CCDC186: variants seen among roughly 807,000 people sequenced by gnomAD.
The protein encoded by CCDC186 is coiled-coil domain containing 186.
CCDC186 carries 49 observed loss-of-function variants against 113.7 expected under a neutral mutation model. The ratio of observed to expected loss-of-function variants is 0.43; its 90% CI spans 0.34 to 0.55. The LOEUF is 0.55. Among genes scored for constraint, CCDC186 ranks in the 20% least tolerant of loss-of-function variants. The pLI is 0.02. For missense variants in CCDC186, 890 were observed against 1,011.1 expected, an observed-to-expected ratio of 0.88 and a Z score of 1.62; for synonymous variants, 355 against 345.8, an observed-to-expected ratio of 1.03 and a Z score of -0.30.
rs1056982262 is a variant in CCDC186 at position 114,126,744 on chromosome 10, T to C, written c.2394-639A>G. ...CTTGCTGTACTTTATGCTCTTTCTT[T>C]TAAAAGTCACAGGCAAACTTTCCTA... On this transcript the variant is annotated intron_variant, in intron 14 of 15. Coordinates refer to ENST00000369287, the MANE Select transcript of CCDC186 (RefSeq NM_018017.4). Among the ~76,000 whole-genome samples, 8 of 152,360 alleles carry C rather than the reference T, an allele frequency of 5.3e-5. 1 individual carries two copies. Among genetic ancestry groups the C allele is most frequent in the Admixed American group, 5.2e-4 (8 of 15,308 alleles).
chr10:114,164,458 A>C (rs2032277533), intron 1 of CCDC186, among the ~76,000 whole-genome samples: 1 of 152,074 alleles, frequency 6.6e-6, no homozygotes, highest in Non-Finnish European at 1.5e-5. Flanking sequence ...GGAGGTTACT[A>C]TTCTAGCCAT....
At chr10:114,165,907 T>A (rs1015606065) in intron 1 of CCDC186, 2 of 982,272 alleles carry the variant, frequency 2.0e-6, no homozygotes, top group African/African-American at 3.6e-5. Flanking sequence ...TACCTCTTCA[T>A]GCCAAGCAGC....
chr10:114,147,609 A>T (rs1277974501), intron 4 of CCDC186, among the ~76,000 whole-genome samples: 1 of 152,188 alleles, frequency 6.6e-6, no homozygotes, highest in Non-Finnish European at 1.5e-5. Context: ...AAAAAGAGGT[A>T]TAGATTAGAT....
At position 114,135,987 on chromosome 10, in the gene CCDC186, A is replaced by G; in HGVS notation, c.1426-10T>C. ...TTTTGGCATGATGCATCTTTAAAAA[A>G]GTTTAAAAGAAACAACAAATCATAA... On this transcript the variant is annotated splice_polypyrimidine_tract_variant and intron_variant, in intron 8 of 15. Coordinates refer to ENST00000369287, the MANE Select transcript of CCDC186 (RefSeq NM_018017.4). The G allele has an allele frequency of 2.5e-6, 4 of 1,602,246 alleles. No homozygotes were observed. Among genetic ancestry groups the G allele is most frequent in the Non-Finnish European group, 3.4e-6 (4 of 1,170,256 alleles).
chr10:114,152,979 G>A (rs1203676140), intron 3 of CCDC186, among the ~76,000 whole-genome samples: 1 of 152,016 alleles, frequency 6.6e-6, no homozygotes, highest in African/African-American at 2.4e-5. Flanking sequence ...AATATATGAG[G>A]CAAAAACTAA....
chr10:114,172,572 C>T (rs1013848607), intron 1 of CCDC186, among the ~76,000 whole-genome samples: 2 of 152,192 alleles, frequency 1.3e-5, no homozygotes, highest in African/African-American at 4.8e-5. Context: ...AGTTTATATG[C>T]AGTTATTCTG....
chr10:114,152,019 T>C (rs2031871256), intron 3 of CCDC186, among the ~76,000 whole-genome samples: 1 of 152,214 alleles, frequency 6.6e-6, no homozygotes, highest in South Asian at 2.1e-4. Context: ...ACTTCAAAAG[T>C]TATGGCCACA....
chr10:114,125,325 G>GA (rs1277088868), intron 15 of CCDC186, 99 bp from the exon 16 acceptor site: 5 of 821,848 alleles, frequency 6.1e-6, no homozygotes, highest in Non-Finnish European at 9.5e-6. Context: ...TTTTGGAAAT[G>GA]AAAGAGTGGT....
chr10:114,170,827 A>T (rs1169041689), intron 1 of CCDC186, among the ~76,000 whole-genome samples: 1 of 151,134 alleles, frequency 6.6e-6, no homozygotes, highest in Non-Finnish European at 1.5e-5. Flanking sequence ...AAAGATGTTT[A>T]AAAAAAAAGA....
chr10:114,151,257 T>G, intron 3 of CCDC186, 37 bp from the exon 4 acceptor site: 1 of 1,375,118 alleles, frequency 7.3e-7, no homozygotes, highest in South Asian at 1.2e-5. Context: ...TTTTTATAGC[T>G]ATACCAAATA....
chr10:114,134,395 T>C (rs967200677), intron 10 of CCDC186, among the ~76,000 whole-genome samples: 4 of 152,116 alleles, frequency 2.6e-5, no homozygotes, highest in Non-Finnish European at 5.9e-5. Context: ...ATCTAAATGA[T>C]GGTAAGGATT....
intron 1 of CCDC186, among the ~76,000 whole-genome samples, chr10:114,163,546 C>T (rs2032242304): frequency 6.6e-6 from 1 of 152,190 alleles, no homozygotes; most frequent in Non-Finnish European, 1.5e-5. Flanking sequence ...TGTCTTTCCT[C>T]CTTCATTTCA....
chr10:114,151,269 A>C (rs2031849546), intron 3 of CCDC186, 49 bp from the exon 4 acceptor site: 2 of 1,236,652 alleles, frequency 1.6e-6, no homozygotes, highest in Non-Finnish European at 1.1e-6. Flanking sequence ...TACCAAATAC[A>C]CCACCAATAC....
chr10:114,125,877 C>T lies in CCDC186; in HGVS notation c.2613+9G>A. The T allele has an allele frequency of 6.2e-7, 1 of 1,610,912 alleles. No individual in the cohort carries two copies. Among genetic ancestry groups the T allele is most frequent in the Non-Finnish European group, 8.5e-7 (1 of 1,177,362 alleles). ...TACTGGTTGGTGTGTGAATGAGAAA[C>T]ACAAATACCTTCAAAGTAATATTTT... On this transcript the variant is annotated intron_variant, in intron 15 of 15. Coordinates refer to ENST00000369287, the MANE Select transcript of CCDC186 (RefSeq NM_018017.4).
intron 3 of CCDC186, among the ~76,000 whole-genome samples, chr10:114,156,961 A>G (rs2032028188): frequency 6.6e-6 from 1 of 152,150 alleles, no homozygotes; most frequent in Non-Finnish European, 1.5e-5. Flanking sequence ...TTGACTGTCA[A>G]CTCAAATCGT....
intron 3 of CCDC186, among the ~76,000 whole-genome samples, chr10:114,151,650 C>A (rs557186626): frequency 1.7e-4 from 26 of 152,354 alleles, no homozygotes; most frequent in African/African-American, 6.0e-4. Context: ...GACTGTGAGT[C>A]ATCCCTTTGT....
rs1459783217 is a variant in CCDC186, at chr10:114,127,451, T to G, written c.2393+10A>C. ...TTGAAGACCGATCATGCTACCGTAATAATACATACTTTGTTTTTTTCCTAA... is the reference window on the plus strand; with the variant it reads ...TTGAAGACCGATCATGCTACCGTAAGAATACATACTTTGTTTTTTTCCTAA... On this transcript the variant is annotated intron_variant, in intron 14 of 15. Transcript: ENST00000369287. The G allele has an allele frequency of 6.2e-7, 1 of 1,611,518 alleles. No homozygotes were observed. The highest frequency in any genetic ancestry group is 2.2e-5 in the East Asian group (1 of 44,854).
intron 3 of CCDC186, among the ~76,000 whole-genome samples, chr10:114,157,066 T>A (rs948392270): frequency 1.3e-5 from 2 of 152,050 alleles, no homozygotes; most frequent in Non-Finnish European, 2.9e-5. Flanking sequence ...AGGAAATACA[T>A]CAGGCTATGA....
rs144074954 is a variant in CCDC186, at chr10:114,145,736, C to T, written c.914G>A (p.Arg305His). Residue 305 changes from arginine (R) to histidine (H), a missense_variant, in exon 5 of 16, where the codon CGC becomes CAC. By Grantham distance (29) the Arg-to-His change is conservative. Coordinates refer to ENST00000369287, the MANE Select transcript of CCDC186 (RefSeq NM_018017.4). The part of the protein sequence containing the change: ...EQANKKCEEA[R>H]QEKEAMVMKY... ...CATTACCATTGCTTCTTTTTCTTGG[C>T]GTGCCTCTTCACATTTCTTGTTGGC... The T allele has an allele frequency of 3.0e-5, 47 of 1,591,608 alleles. No homozygotes were observed. In the African/African-American group the frequency reaches 4.0e-4, roughly 13 times the overall value.
Sources: allele counts gnomAD v4.1 joint callset (sites outside exome capture counted in the v4.1 genomes callset), GRCh38; gene constraint gnomAD v4.1.1; transcripts MANE v1.5; gene names NCBI Gene and HGNC (gene_info 2026-07-23, HGNC 2026-07-21).